The following DNAJC1 variants were observed in gnomAD, a reference collection of about 807,000 sequenced individuals.
DNAJC1 encodes the protein DnaJ heat shock protein family (Hsp40) member C1, also known as dnaJ homolog subfamily C member 1.
DNAJC1 carries 58 observed loss-of-function variants against 76.6 expected under a neutral mutation model. That is an observed-to-expected ratio of 0.76 (90% CI 0.61 to 0.94). DNAJC1 has a LOEUF of 0.94. Ranked by LOEUF, DNAJC1 falls within the 40% of genes least tolerant of loss-of-function variation. DNAJC1 has a pLI of 0.00. For missense variants in DNAJC1, 689 were observed against 677.3 expected, an observed-to-expected ratio of 1.02 and a Z score of -0.19; for synonymous variants, 258 against 267.9, an observed-to-expected ratio of 0.96 and a Z score of 0.36.
chr10:21,807,890 C>T (rs1232789990), intron 8 of DNAJC1, among the ~76,000 whole-genome samples: 4 of 152,138 alleles, frequency 2.6e-5, no homozygotes, highest in South Asian at 2.1e-4. Flanking sequence ...TTTCTTTCTC[C>T]TTGTCTTTAT....
intron 8 of DNAJC1, among the ~76,000 whole-genome samples, chr10:21,853,317 T>G (rs1311091612): frequency 1.3e-5 from 2 of 152,164 alleles, no homozygotes; most frequent in African/African-American, 4.8e-5. Context: ...CTCTGTACTT[T>G]GAGTATTGTT....
intron 8 of DNAJC1, among the ~76,000 whole-genome samples, chr10:21,848,778 A>G (rs1835701500): frequency 6.6e-6 from 1 of 152,346 alleles, no homozygotes; most frequent in South Asian, 2.1e-4. Context: ...CAAATCACAC[A>G]AAGTATCTTC....
intron 7 of DNAJC1, among the ~76,000 whole-genome samples, chr10:21,888,873 T>A (rs1268385810): frequency 2.6e-5 from 4 of 152,192 alleles, no homozygotes; most frequent in African/African-American, 9.6e-5. Context: ...AACAAGTCCC[T>A]GTGACATGAG....
intron 11 of DNAJC1, among the ~76,000 whole-genome samples, chr10:21,757,254 C>T (rs569727422): frequency 1.3e-5 from 2 of 152,274 alleles, no homozygotes; most frequent in African/African-American, 2.4e-5. Flanking sequence ...CTCCTGGCCC[C>T]ACCTCCATCC....
chr10:21,773,556 A>G (rs1396508239), intron 9 of DNAJC1, among the ~76,000 whole-genome samples: 1 of 152,228 alleles, frequency 6.6e-6, no homozygotes, highest in African/African-American at 2.4e-5. Flanking sequence ...CATATAGTCT[A>G]TCCTGGACAA....
intron 7 of DNAJC1, among the ~76,000 whole-genome samples, chr10:21,890,222 G>C (rs1347996250): frequency 6.6e-6 from 1 of 151,888 alleles, no homozygotes; most frequent in Non-Finnish European, 1.5e-5. Flanking sequence ...AGACCAGCCT[G>C]GCCAACATGG....
At chr10:21,889,250 ATCTCATGAGAACTCACTG>A (rs1263386866) in intron 7 of DNAJC1, among the ~76,000 whole-genome samples, 1 of 152,134 alleles carries the variant, frequency 6.6e-6, no homozygotes, top group Non-Finnish European at 1.5e-5. Context: ...AAACAAGCAG[ATCTCATGAGAACTCACTG>A]TCTCAAGAAG....
intron 8 of DNAJC1, among the ~76,000 whole-genome samples, chr10:21,825,920 T>C (rs1296768685): frequency 1.3e-5 from 2 of 152,120 alleles, no homozygotes; most frequent in Non-Finnish European, 2.9e-5. Context: ...TGGTTATTAA[T>C]CCCCTTATCA....
At chr10:21,815,909 A>G (rs1339469439) in intron 8 of DNAJC1, among the ~76,000 whole-genome samples, 3 of 151,368 alleles carry the variant, frequency 2.0e-5, no homozygotes, top group Non-Finnish European at 4.4e-5. Flanking sequence ...ACGTCTGGCT[A>G]ATTTTTGTAT....
chr10:21,920,079 T>C (rs1837016545), intron 4 of DNAJC1, 150 bp from the exon 5 acceptor site: 1 of 505,594 alleles, frequency 2.0e-6, no homozygotes. Flanking sequence ...ATCATCAATC[T>C]TTCACAATAA....
At chr10:21,849,812 G>T (rs1490525504) in intron 8 of DNAJC1, among the ~76,000 whole-genome samples, 1 of 152,002 alleles carries the variant, frequency 6.6e-6, no homozygotes, top group Non-Finnish European at 1.5e-5. Context: ...GGTTCAACAT[G>T]AGAAAATCAT....
At chr10:21,786,461 TATAGAGAG>T (rs1468758336) in intron 9 of DNAJC1, among the ~76,000 whole-genome samples, 6 of 32,110 alleles carry the variant, frequency 1.9e-4, no homozygotes, top group African/African-American at 3.1e-4. Context: ...TATATATATA[TATAGAGAG>T]AGAGAGAGAG....
At chr10:21,814,667 G>A (rs943495017) in intron 8 of DNAJC1, among the ~76,000 whole-genome samples, 4 of 152,122 alleles carry the variant, frequency 2.6e-5, no homozygotes, top group African/African-American at 9.7e-5. Context: ...TGGGTCCTGG[G>A]TGCTTTCATC....
intron 1 of DNAJC1, among the ~76,000 whole-genome samples, chr10:21,966,077 T>C (rs1024329789): frequency 5.3e-5 from 8 of 152,218 alleles, no homozygotes; most frequent in Admixed American, 1.3e-4. Context: ...AGTGAGTTAG[T>C]TGTGAAATGT....
chr10:21,778,122 G>A (rs1834476850), intron 9 of DNAJC1, among the ~76,000 whole-genome samples: 1 of 152,166 alleles, frequency 6.6e-6, no homozygotes, highest in Non-Finnish European at 1.5e-5. Flanking sequence ...CCAGGAGGCA[G>A]AGGTTGCAGT....
intron 2 of DNAJC1, 148 bp downstream of exon 2, chr10:21,928,892 G>T (rs1837171811): frequency 7.7e-6 from 4 of 518,734 alleles, no homozygotes; most frequent in East Asian, 3.4e-5. Flanking sequence ...AATGCATTTT[G>T]TAGAAACTTG....
At chr10:21,758,555 G>T (rs757513285) in intron 11 of DNAJC1, among the ~76,000 whole-genome samples, 3 of 152,234 alleles carry the variant, frequency 2.0e-5, no homozygotes, top group Non-Finnish European at 4.4e-5. Context: ...AAACGGCCAC[G>T]GCCGTGGAAA....
chr10:21,868,845 C>T (rs1162529128), intron 8 of DNAJC1, among the ~76,000 whole-genome samples: 1 of 151,964 alleles, frequency 6.6e-6, no homozygotes, highest in Non-Finnish European at 1.5e-5. Flanking sequence ...ATTATACCCT[C>T]CTCCCTTTGG....
At chr10:21,816,798 G>A (rs1835085158) in intron 8 of DNAJC1, among the ~76,000 whole-genome samples, 1 of 142,232 alleles carries the variant, frequency 7.0e-6, no homozygotes, top group Non-Finnish European at 1.5e-5. Flanking sequence ...ACCCGCCTTG[G>A]CCTCCCAAAG....
Sources: gnomAD v4.1 joint callset for allele counts (sites outside exome capture counted in the v4.1 genomes callset) on GRCh38, gnomAD v4.1.1 for gene constraint, MANE v1.5 for transcripts, NCBI Gene and HGNC (gene_info 2026-07-23, HGNC 2026-07-21) for gene names.